Variants in GOLGA4 observed in about 807,000 individuals in gnomAD.
GOLGA4 encodes golgin subfamily A member 4.
Under a neutral mutation model 265.9 loss-of-function variants are expected in GOLGA4, and 169 were observed. The ratio of observed to expected loss-of-function variants is 0.64; its 90% CI spans 0.56 to 0.72. The LOEUF is 0.72. Ranked by LOEUF, GOLGA4 falls within the 30% of genes least tolerant of loss-of-function variation. The pLI, the probability that GOLGA4 is intolerant of heterozygous loss-of-function variation, is 0.00. For missense variants in GOLGA4, 2,482 were observed against 2,483.4 expected, an observed-to-expected ratio of 1.00 and a Z score of 0.01; for synonymous variants, 923 against 855.8, an observed-to-expected ratio of 1.08 and a Z score of -1.37.
intron 10 of GOLGA4, chr3:37,313,651 G>A (rs1421295315): frequency 6.6e-6 from 1 of 152,116 alleles, no homozygotes; most frequent in Non-Finnish European, 1.5e-5. Context: ...GATTTTCCTA[G>A]GGTATCATTA....
chr3:37,338,275 A>G (rs2097021081), intron 19 of GOLGA4, among the ~76,000 whole-genome samples: 1 of 152,218 alleles, frequency 6.6e-6, no homozygotes, highest in African/African-American at 2.4e-5. Flanking sequence ...TGAAGGCTAA[A>G]TCTCCTGGGA....
At position 37,251,452 on chromosome 3, in the gene GOLGA4, G is replaced by C. The variant is rs757026783; in HGVS notation, c.130G>C (p.Glu44Gln). The C allele has an allele frequency of 6.2e-7, 1 of 1,611,544 alleles. No homozygotes were observed. The highest frequency in any genetic ancestry group is 2.2e-5 in the East Asian group (1 of 44,846). ...RMRSRTSSFT[E>Q]QLDEGTPNRE... ...GAGGAGCAGGACATCTTCATTTACA[G>C]AGCAACTTGATGAAGGTACACCCAA... Residue 44 changes from glutamate (E) to glutamine (Q), a missense_variant, in exon 2 of 24, where the codon GAG becomes CAG. This residue lies in a region of GOLGA4 where 1,536 missense variants were observed against 1,483.7 expected (regional missense o/e 1.04). Transcript: ENST00000361924.
chr3:37,339,253 A>C (rs1310249871), intron 19 of GOLGA4, among the ~76,000 whole-genome samples: 1 of 152,234 alleles, frequency 6.6e-6, no homozygotes, highest in Non-Finnish European at 1.5e-5. Flanking sequence ...TTATGGCTGA[A>C]TAATATACCA....
At chr3:37,309,281 C>T (rs994263586) in intron 10 of GOLGA4, among the ~76,000 whole-genome samples, 34 of 139,622 alleles carry the variant, frequency 2.4e-4, no homozygotes, top group South Asian at 9.3e-4. Flanking sequence ...ATAGGCCGGG[C>T]GTGATGGCTC....
intron 23 of GOLGA4, among the ~76,000 whole-genome samples, chr3:37,361,937 G>A (rs1289324375): frequency 6.6e-6 from 1 of 152,186 alleles, no homozygotes; most frequent in Non-Finnish European, 1.5e-5. Flanking sequence ...CAACGCAGTT[G>A]ACTGTCTTCA....
intron 2 of GOLGA4, among the ~76,000 whole-genome samples, chr3:37,259,012 T>A (rs1263287460): frequency 6.6e-6 from 1 of 152,184 alleles, no homozygotes; most frequent in African/African-American, 2.4e-5. Flanking sequence ...TGGGAAGTGT[T>A]CACCTCTCTT....
In GOLGA4 at chr3:37,315,450, C is replaced by T. The variant is rs767291518; in HGVS notation, c.1265C>T (p.Thr422Ile). Residue 422 changes from threonine to isoleucine, a missense_variant, in exon 11 of 24, where the codon ACA (threonine) becomes ATA (isoleucine). Thr to Ile is a moderately conservative substitution (Grantham distance 89, BLOSUM62 -1). Coordinates refer to ENST00000361924, the MANE Select transcript of GOLGA4 (RefSeq NM_002078.5). ...AFEELEKALS[T>I]AQKTEEARRK... ...GAGGAACTTGAAAAAGCTTTGAGTA[C>T]AGCCCAAAAAACAGAGGAAGCACGG... 1.9e-6 allele frequency: 3 copies of T among 1,613,536 alleles called. No homozygotes were observed. The highest frequency in any genetic ancestry group is 1.3e-5 in the African/African-American group (1 of 74,842).
intron 2 of GOLGA4, among the ~76,000 whole-genome samples, chr3:37,271,400 G>C (rs934092515): frequency 6.6e-6 from 1 of 152,168 alleles, no homozygotes; most frequent in African/African-American, 2.4e-5. Context: ...AAATGTCTTA[G>C]ACTGATGAAA....
At chr3:37,266,750 G>C in intron 2 of GOLGA4, 1 of 453,720 alleles carries the variant, frequency 2.2e-6, no homozygotes, top group South Asian at 1.8e-5. Context: ...TGCATGCTGC[G>C]TGGTGAGAAC....
intron 13 of GOLGA4, among the ~76,000 whole-genome samples, chr3:37,322,093 T>G (rs1029383712): frequency 1.3e-5 from 2 of 152,208 alleles, no homozygotes; most frequent in Non-Finnish European, 2.9e-5. Context: ...GTTCTGCCTT[T>G]AGCTGGCTGT....
intron 20 of GOLGA4, among the ~76,000 whole-genome samples, chr3:37,346,113 A>G (rs1434490711): frequency 6.6e-6 from 1 of 152,216 alleles, no homozygotes; most frequent in African/African-American, 2.4e-5. Context: ...TTAGTTCTTA[A>G]GAACTCTATA....
rs201872506 is a variant in GOLGA4 at position 37,255,763 on chromosome 3, T to G, written c.162+4279T>G. On this transcript the variant is annotated intron_variant, in intron 2 of 23. Transcript: ENST00000361924. ...TTTAAAAAAAAGCATTTTTTTTTTT[T>G]GTTTTTTGAGACAGGGTCTCACTCT... Among the ~76,000 whole-genome samples the G allele has an allele frequency of 2.9e-3, 353 of 122,530 alleles. 3 individuals are homozygous for G. In the South Asian group the frequency reaches 0.036, roughly 12 times the overall value. The allele number at this position is 122,530 out of a possible 152,430, so 80.4% of individuals were successfully genotyped here.
intron 22 of GOLGA4, among the ~76,000 whole-genome samples, chr3:37,360,314 T>C: frequency 6.6e-6 from 1 of 152,160 alleles, no homozygotes; most frequent in East Asian, 1.9e-4. Flanking sequence ...TTTACTTATG[T>C]TTTCAAGATT....
intron 10 of GOLGA4, among the ~76,000 whole-genome samples, chr3:37,312,277 G>A (rs765186840): frequency 5.2e-4 from 79 of 152,156 alleles, no homozygotes; most frequent in Non-Finnish European, 7.9e-4. Context: ...TAGGCAGTAA[G>A]CACTTTGTTT....
intron 16 of GOLGA4, among the ~76,000 whole-genome samples, chr3:37,329,653 T>G (rs2096983677): frequency 6.6e-6 from 1 of 152,204 alleles, no homozygotes; most frequent in South Asian, 2.1e-4. Flanking sequence ...AAATACTTAC[T>G]CTACTAATGC....
At chr3:37,353,216 G>A (rs2097080173) in intron 21 of GOLGA4, among the ~76,000 whole-genome samples, 1 of 151,998 alleles carries the variant, frequency 6.6e-6, no homozygotes, top group African/African-American at 2.4e-5. Context: ...TAATGAAAAG[G>A]TTTGAAATAC....
In GOLGA4 at chr3:37,323,922, T is replaced by G. The variant is rs1392090274; in HGVS notation, c.2036T>G (p.Leu679Arg). 1.2e-6 allele frequency: 2 copies of G among 1,613,524 alleles called. No individual in the cohort carries two copies. The highest frequency in any genetic ancestry group is 1.7e-6 in the Non-Finnish European group (2 of 1,179,924). Reference protein sequence around the residue: ...EEMNEKTLEKLDVKQTELESL... With the variant: ...EEMNEKTLEKRDVKQTELESL... ...ATGAATGAAAAGACTTTAGAAAAGC[T>G]TGATGTGAAGCAAACAGAACTAGAA... Residue 679 changes from leucine to arginine, a missense_variant, in exon 14 of 24, where the codon CTT becomes CGT. Around this residue, in one of 3 missense-constraint regions of GOLGA4, gnomAD observed 1,536 missense variants for 1,483.7 expected, o/e 1.04. Coordinates refer to ENST00000361924, the MANE Select transcript of GOLGA4 (RefSeq NM_002078.5).
intron 5 of GOLGA4, among the ~76,000 whole-genome samples, chr3:37,293,152 A>G (rs778659590): frequency 1.6e-4 from 25 of 152,352 alleles, no homozygotes; most frequent in Non-Finnish European, 3.4e-4. Context: ...GACTTGAGGT[A>G]AGAAATCTGT....
chr3:37,282,934 A>T (rs1215841564), intron 3 of GOLGA4, among the ~76,000 whole-genome samples: 3 of 152,162 alleles, frequency 2.0e-5, no homozygotes, highest in Non-Finnish European at 4.4e-5. Flanking sequence ...TCTGCATCCT[A>T]TGCAGTTAAA....
Sources: gnomAD v4.1 joint callset for allele counts (sites outside exome capture counted in the v4.1 genomes callset) on GRCh38, gnomAD v4.1.1 for gene constraint, gnomAD v4.1.1 regional missense constraint, MANE v1.5 for transcripts, NCBI Gene and HGNC (gene_info 2026-07-23, HGNC 2026-07-21) for gene names.